The following FAP variants were observed in gnomAD, a reference collection of about 807,000 sequenced individuals.
FAP encodes fibroblast activation protein alpha, also known as prolyl endopeptidase FAP.
Under a neutral mutation model 126.5 loss-of-function variants are expected in FAP, and 110 were observed. The ratio of observed to expected loss-of-function variants is 0.87; its 90% CI spans 0.74 to 1.02. The LOEUF (loss-of-function observed/expected upper bound fraction) is 1.02, where lower values mean the gene tolerates loss of function less well. Among genes scored for constraint, FAP ranks in the 50% least tolerant of loss-of-function variants. FAP has a pLI of 0.00. For missense variants in FAP, 919 were observed against 909.2 expected (o/e 1.01, Z -0.14); for synonymous variants, 334 against 297.3 (o/e 1.12, Z -1.27).
chr2:162,184,477 C>A lies in FAP; in HGVS notation c.1815-1009G>T, dbSNP rs535386408. ...TTTCTTAAAGGGATTTCACAGCAAC[C>A]ATTTCGCTCTTGCATTGATTCAACA... On this transcript the variant is annotated intron_variant, in intron 20 of 25. Coordinates refer to ENST00000188790, the MANE Select transcript of FAP (RefSeq NM_004460.5). 8.5e-5 allele frequency among the ~76,000 whole-genome samples: 13 copies of A among 152,320 alleles called. No individual in the cohort carries two copies. In the South Asian group the frequency reaches 1.9e-3, roughly 22 times the overall value.
At chr2:162,199,293 A>G (rs1688396369) in intron 15 of FAP, among the ~76,000 whole-genome samples, 1 of 152,230 alleles carries the variant, frequency 6.6e-6, no homozygotes, top group Non-Finnish European at 1.5e-5. Flanking sequence ...ACCAAGAAAG[A>G]GTCCCTGTTC....
chr2:162,196,992 T>A (rs1688277451), intron 16 of FAP, among the ~76,000 whole-genome samples: 1 of 152,200 alleles, frequency 6.6e-6, no homozygotes, highest in Non-Finnish European at 1.5e-5. Context: ...ATCTCTTCAG[T>A]GGGCACACAG....
chr2:162,188,495 T>A, intron 19 of FAP, 132 bp from the exon 20 acceptor site: 1 of 827,132 alleles, frequency 1.2e-6, no homozygotes, highest in Non-Finnish European at 1.9e-6. Flanking sequence ...TAGAACTGGC[T>A]CAAAATCAAG....
At chr2:162,178,614 A>G (rs1687571406) in intron 21 of FAP, among the ~76,000 whole-genome samples, 1 of 152,220 alleles carries the variant, frequency 6.6e-6, no homozygotes, top group Non-Finnish European at 1.5e-5. Context: ...TCAAGGGACT[A>G]AAACCAGGGC....
intron 14 of FAP, among the ~76,000 whole-genome samples, chr2:162,202,112 C>T (rs1449518795): frequency 6.6e-6 from 1 of 152,206 alleles, no homozygotes; most frequent in African/African-American, 2.4e-5. Flanking sequence ...GGCAGATTTT[C>T]AGCACTAAGA....
intron 12 of FAP, among the ~76,000 whole-genome samples, chr2:162,209,137 G>C (rs1360776708): frequency 2.0e-5 from 3 of 150,972 alleles, no homozygotes; most frequent in Admixed American, 1.3e-4. Context: ...ACTTTTTTTT[G>C]TCCTTGGATC....
At chr2:162,229,093 G>A (rs1234809832) in intron 2 of FAP, among the ~76,000 whole-genome samples, 2 of 151,998 alleles carry the variant, frequency 1.3e-5, no homozygotes, top group Non-Finnish European at 2.9e-5. Flanking sequence ...TATAAATAAT[G>A]CTTCAGTTAT....
chr2:162,229,470 A>T (rs191166520), intron 2 of FAP, among the ~76,000 whole-genome samples: 433 of 152,276 alleles, frequency 2.8e-3, no homozygotes, highest in Middle Eastern at 0.017. Flanking sequence ...CTTTTATTCT[A>T]GTTTAATGAA....
chr2:162,193,118 T>C (rs1386654217), intron 17 of FAP, among the ~76,000 whole-genome samples: 2 of 152,112 alleles, frequency 1.3e-5, no homozygotes, highest in African/African-American at 4.8e-5. Context: ...AGAAGTTCCA[T>C]AAATATTTGT....
At chr2:162,243,225 G>A (rs1690423964) in intron 1 of FAP, 97 bp downstream of exon 1, 1 of 999,514 alleles carries the variant, frequency 1.0e-6, no homozygotes, top group Admixed American at 2.1e-5. Context: ...AAATACTTAT[G>A]TACAAATCTT....
chr2:162,236,358 GT>G (rs1240569263), intron 2 of FAP, among the ~76,000 whole-genome samples: 1 of 151,906 alleles, frequency 6.6e-6, no homozygotes, highest in Non-Finnish European at 1.5e-5. Context: ...TTTTGAAAAC[GT>G]TTGTGAAGAA....
intron 2 of FAP, among the ~76,000 whole-genome samples, chr2:162,239,552 G>C (rs995448895): frequency 8.6e-5 from 13 of 151,946 alleles, no homozygotes; most frequent in Non-Finnish European, 1.2e-4. Context: ...TGGGATAAAG[G>C]CTCTCTACTC....
At chr2:162,203,239 T>C (rs1688568473) in intron 12 of FAP, 94 bp from the exon 13 acceptor site, 4 of 714,840 alleles carry the variant, frequency 5.6e-6, no homozygotes, top group South Asian at 1.9e-5. Context: ...ATGGTCATAG[T>C]TATAGGAATC....
At chr2:162,217,888 A>G in intron 9 of FAP, 98 bp downstream of exon 9, 1 of 850,966 alleles carries the variant, frequency 1.2e-6, no homozygotes. Context: ...AAGGATAAGA[A>G]GCTCTCCAAA....
chr2:162,186,623 T>A (rs1416757912), intron 20 of FAP, among the ~76,000 whole-genome samples: 1 of 152,112 alleles, frequency 6.6e-6, no homozygotes, highest in Non-Finnish European at 1.5e-5. Context: ...AATGCCAAAA[T>A]AAACAACTTT....
At chr2:162,179,568 A>G (rs573156083) in intron 21 of FAP, among the ~76,000 whole-genome samples, 1 of 152,250 alleles carries the variant, frequency 6.6e-6, no homozygotes, top group East Asian at 1.9e-4. Flanking sequence ...ACAAGACACA[A>G]CATGGTAATT....
chr2:162,235,635 C>T (rs1690097100), intron 2 of FAP, among the ~76,000 whole-genome samples: 3 of 152,142 alleles, frequency 2.0e-5, no homozygotes, highest in African/African-American at 7.2e-5. Context: ...TAAAACAGAC[C>T]AATCAGTTCT....
chr2:162,234,749 A>T (rs552081306), intron 2 of FAP, among the ~76,000 whole-genome samples: 1 of 152,090 alleles, frequency 6.6e-6, no homozygotes, highest in African/African-American at 2.4e-5. Flanking sequence ...CTCGGCACCC[A>T]TTCTGGCCGC....
At chr2:162,203,216 A>G (rs746117360) in intron 12 of FAP, 71 bp from the exon 13 acceptor site, 2 of 951,912 alleles carry the variant, frequency 2.1e-6, no homozygotes, top group Admixed American at 4.4e-5. Flanking sequence ...GTTTTAATAT[A>G]TAAAAGCGAC....
Sources: gnomAD v4.1 joint callset for allele counts (sites outside exome capture counted in the v4.1 genomes callset) on GRCh38, gnomAD v4.1.1 for gene constraint, MANE v1.5 for transcripts, NCBI Gene and HGNC (gene_info 2026-07-23, HGNC 2026-07-21) for gene names.